HIVEP3: variants seen among roughly 807,000 people sequenced by gnomAD.
The protein encoded by HIVEP3 is HIVEP zinc finger 3, also known as transcription factor HIVEP3.
In HIVEP3, 49 loss-of-function variants were observed where a neutral mutation model predicts 152.8. The observed-to-expected ratio is 0.32, with a 90% CI of 0.26 to 0.41. HIVEP3 has a LOEUF of 0.41. HIVEP3 is among the 10% of genes least tolerant of loss of function. HIVEP3 has a pLI of 1.00. For synonymous variants in HIVEP3, 1,269 were observed against 1,289.0 expected (o/e 0.98, Z 0.33); for missense variants, 2,790 against 3,103.3 (o/e 0.90, Z 2.40).
intron 2 of HIVEP3, among the ~76,000 whole-genome samples, chr1:41,638,295 AGG>A (rs1365407497): frequency 1.9e-3 from 209 of 111,016 alleles, no homozygotes; most frequent in East Asian, 5.3e-3. Context: ...GAAGGAAGGA[AGG>A]AGAGAGAAAG....
At chr1:41,855,179 A>G (rs1360626885) in intron 1 of HIVEP3, among the ~76,000 whole-genome samples, 1 of 147,744 alleles carries the variant, frequency 6.8e-6, no homozygotes, top group African/African-American at 2.5e-5. Context: ...CATCCTCTCC[A>G]GCACCTGTTG....
At chr1:41,956,576 A>G (rs1028124102) in intron 1 of HIVEP3, among the ~76,000 whole-genome samples, 1 of 152,158 alleles carries the variant, frequency 6.6e-6, no homozygotes, top group Admixed American at 6.5e-5. Context: ...AAGTATTAGG[A>G]TTTATTGTCT....
chr1:42,010,629 A>C (rs1359905636), intron 1 of HIVEP3, among the ~76,000 whole-genome samples: 2 of 152,042 alleles, frequency 1.3e-5, no homozygotes, highest in Admixed American at 1.3e-4. Flanking sequence ...TACCCTCAGG[A>C]TTTCCTTTTT....
chr1:41,736,431 T>C (rs1032814400), intron 1 of HIVEP3, among the ~76,000 whole-genome samples: 4 of 152,196 alleles, frequency 2.6e-5, no homozygotes, highest in Non-Finnish European at 4.4e-5. Flanking sequence ...TGACAAGGCT[T>C]CCTGGCTTTG....
Position 41,507,251 on chromosome 1 carries a change from A to C in HIVEP3, c.*3200T>G, listed in dbSNP as rs1278425630. ...TTTTCCAACAGAGGGAAGCAGAGGG[A>C]CTTCTGGGTCTGGAAGTTGGAGCTT... is the stretch of plus-strand genomic sequence containing the variant. On this transcript the variant is annotated 3_prime_UTR_variant, in exon 9 of 9. Transcript: ENST00000372583. 6.6e-6 allele frequency: 1 copy of C among 152,196 alleles called. No individual in the cohort carries two copies. The highest frequency in any genetic ancestry group is 2.4e-5 in the African/African-American group (1 of 41,412). The allele number at this position is 152,196 out of a possible 1,614,324, so 9.4% of individuals were successfully genotyped here. A position where few individuals can be genotyped will look rare whatever the true frequency, so the allele number is the denominator to read the frequency against.
Position 41,511,347 on chromosome 1 carries a change from G to C in HIVEP3, c.6406-81C>G. ...GAGCCGAGGCCTGGAAGTGGGAGGGGGACTCGCCCAAGATCACAGAGCGAG... is the reference window on the plus strand; with the variant it reads ...GAGCCGAGGCCTGGAAGTGGGAGGGCGACTCGCCCAAGATCACAGAGCGAG... On this transcript the variant is annotated intron_variant, in intron 8 of 8. Coordinates refer to ENST00000372583, the MANE Select transcript of HIVEP3 (RefSeq NM_024503.5). This position sits in a 1 kb window ranked among gnomAD's most constrained non-coding sequence, Gnocchi z 4.9. 1 of 1,263,044 alleles carries C rather than the reference G, an allele frequency of 7.9e-7. No individual in the cohort carries two copies. Among genetic ancestry groups the C allele is most frequent in the Admixed American group, 2.5e-5 (1 of 40,174 alleles). 78.2% of individuals were successfully genotyped at this position (1,263,044 alleles called of 1,614,324 possible).
intron 1 of HIVEP3, among the ~76,000 whole-genome samples, chr1:41,820,178 GT>G (rs1642549939): frequency 6.6e-6 from 1 of 152,146 alleles, no homozygotes; most frequent in Non-Finnish European, 1.5e-5. Context: ...AGAGAGTTAT[GT>G]TTAAATCCCC....
chr1:41,972,214 A>C (rs926053113), intron 1 of HIVEP3, among the ~76,000 whole-genome samples: 7 of 152,100 alleles, frequency 4.6e-5, no homozygotes, highest in African/African-American at 1.7e-4. Context: ...CCCAATGACC[A>C]TTTCATCTAT....
intron 1 of HIVEP3, among the ~76,000 whole-genome samples, chr1:41,721,204 A>ATTT (rs56881396): frequency 1.0e-4 from 15 of 146,226 alleles, no homozygotes; most frequent in African/African-American, 3.7e-4. Context: ...TCTTACTGCA[A>ATTT]TTTTTTTTTT....
At chr1:41,529,211 C>A (rs1304018084) in intron 5 of HIVEP3, among the ~76,000 whole-genome samples, 1 of 137,964 alleles carries the variant, frequency 7.2e-6, no homozygotes. Context: ...CCCATACACT[C>A]ACACCCTCAC....
chr1:41,805,897 A>G lies in HIVEP3; in HGVS notation c.-800-104902T>C, dbSNP rs1389454578. Among the ~76,000 whole-genome samples, 6 of 152,138 alleles carry G rather than the reference A, an allele frequency of 3.9e-5. No individual in the cohort carries two copies. In the East Asian group the frequency reaches 1.2e-3, roughly 29 times the overall value. On this transcript the variant is annotated intron_variant, in intron 1 of 8. Transcript: ENST00000372583. ...CGCCTTGTGTTCTGTGTGTGTGTGT[A>G]CACGTGCACGCACACACATCTCCTC...
At chr1:41,949,360 AG>A (rs1472089565) in intron 1 of HIVEP3, among the ~76,000 whole-genome samples, 1 of 152,234 alleles carries the variant, frequency 6.6e-6, no homozygotes, top group Non-Finnish European at 1.5e-5. Flanking sequence ...AACTATTTCA[AG>A]AACTAAATGG....
intron 1 of HIVEP3, among the ~76,000 whole-genome samples, chr1:41,969,597 T>TA (rs1193724860): frequency 1.2e-4 from 18 of 152,078 alleles, no homozygotes; most frequent in Non-Finnish European, 2.2e-4. Context: ...CTCAAAACTA[T>TA]AAAAATTCTA....
At chr1:41,798,141 G>T (rs1261017748) in intron 1 of HIVEP3, among the ~76,000 whole-genome samples, 1 of 152,118 alleles carries the variant, frequency 6.6e-6, no homozygotes, top group East Asian at 1.9e-4. Flanking sequence ...GCCTGTCGTG[G>T]GGTGCGGGGA....
intron 1 of HIVEP3, among the ~76,000 whole-genome samples, chr1:41,817,389 G>A (rs1358658438): frequency 6.6e-6 from 1 of 152,192 alleles, no homozygotes. Context: ...GGGAAAAAAG[G>A]ATGGGGCCGG....
chr1:41,531,918 T>G (rs1399120756), intron 5 of HIVEP3, among the ~76,000 whole-genome samples: 464 of 24,708 alleles, frequency 0.019, no homozygotes, highest in Non-Finnish European at 0.021. Flanking sequence ...ATGGAGGACA[T>G]GAGAGGTAGA....
At position 41,510,934 on chromosome 1, in the gene HIVEP3, G is replaced by A; in HGVS notation, c.6738C>T (p.Pro2246=). 1 of 1,613,580 alleles carries A rather than the reference G, an allele frequency of 6.2e-7. No individual in the cohort carries two copies. The highest frequency in any genetic ancestry group is 8.5e-7 in the Non-Finnish European group (1 of 1,179,874). ...REAQERGRWS[P]TESSSASVSP... ...ACACGGAGGCTGACGAGCTCTCAGTGGGACTCCAGCGGCCTCGCTCCTGGG... is the reference window on the plus strand; with the variant it reads ...ACACGGAGGCTGACGAGCTCTCAGTAGGACTCCAGCGGCCTCGCTCCTGGG... Residue 2246 remains proline (P), a synonymous_variant, in exon 9 of 9, where the codon CCC becomes CCT. Transcript: ENST00000372583.
intron 1 of HIVEP3, among the ~76,000 whole-genome samples, chr1:41,895,676 G>A (rs1445975099): frequency 6.6e-6 from 1 of 152,204 alleles, no homozygotes; most frequent in Admixed American, 6.5e-5. Flanking sequence ...CTAGCTAACG[G>A]TAAGGAGAGG....
In HIVEP3 at chr1:41,582,431, C is replaced by T; in HGVS notation, c.2367G>A (p.Glu789=). Residue 789 remains glutamate, a synonymous_variant, in exon 4 of 9, where the codon GAG becomes GAA. Transcript: ENST00000372583. This position sits in a 1 kb window ranked among gnomAD's most constrained non-coding sequence, Gnocchi z 4.7. ...AAATTTCTTTGGACGTTGTTCTCCT[C>T]TCCTTCCCTGATTCTGAACCGGACC... The part of the protein sequence containing the change: ...KPGSGSESGK[E]RRTTSKEISV... 3 of 1,614,252 alleles carry T rather than the reference C, an allele frequency of 1.9e-6. No individual in the cohort carries two copies. Among genetic ancestry groups the T allele is most frequent in the African/African-American group, 1.3e-5 (1 of 75,064 alleles).
Sources: allele counts gnomAD v4.1 joint callset (sites outside exome capture counted in the v4.1 genomes callset), GRCh38; gene constraint gnomAD v4.1.1; non-coding constraint Gnocchi (gnomAD v3.1); transcripts MANE v1.5; gene names NCBI Gene and HGNC (gene_info 2026-07-23, HGNC 2026-07-21).